The following GEMIN2 variants were observed in gnomAD, a reference collection of about 807,000 sequenced individuals.
The protein encoded by GEMIN2 is gem nuclear organelle associated protein 2.
In GEMIN2, 37 loss-of-function variants were observed where a neutral mutation model predicts 45.8. That is an observed-to-expected ratio of 0.81 (90% confidence interval 0.62 to 1.06). GEMIN2 has a LOEUF of 1.06. Among genes scored for constraint, GEMIN2 ranks in the 50% least tolerant of loss-of-function variants. The probability of loss-of-function intolerance (pLI) is 0.00; values close to 1 mark genes in which losing one functional copy is unlikely to be tolerated. For missense variants in GEMIN2, 335 were observed against 321.8 expected (o/e 1.04, Z -0.31); for synonymous variants, 101 against 111.5 (o/e 0.91, Z 0.60).
chr14:39,114,775 C>T, intron 1 of GEMIN2, 54 bp from the exon 2 acceptor site: 5 of 1,029,106 alleles, frequency 4.9e-6, no homozygotes, highest in Non-Finnish European at 7.7e-6. Context: ...TTTTACTACA[C>T]CTGAGCAAAG....
chr14:39,123,006 A>G (rs8014255), intron 5 of GEMIN2, among the ~76,000 whole-genome samples: 141,096 of 152,256 alleles, frequency 0.93, 65,471 homozygotes, highest in East Asian at 0.95. Flanking sequence ...ACACAATTAG[A>G]TGCTTTAAAA....
chr14:39,129,848 A>G (rs981570519), intron 7 of GEMIN2, among the ~76,000 whole-genome samples: 5 of 151,926 alleles, frequency 3.3e-5, no homozygotes, highest in Admixed American at 2.0e-4. Context: ...TTCATTGAGA[A>G]AGTCTTGGAG....
In GEMIN2 at chr14:39,128,272, T is replaced by A. The variant is rs755859889; in HGVS notation, c.532-8T>A. On this transcript the variant is annotated splice_region_variant and splice_polypyrimidine_tract_variant and intron_variant, in intron 6 of 9. Transcript: ENST00000308317. ...CAACTCTTCTCCACCCCCTCTTTTT[T>A]TTTTTAGGCAACAGTAACTAGTGTC... 6.6e-7 allele frequency: 1 copy of A among 1,506,884 alleles called. No homozygotes were observed. Among genetic ancestry groups the A allele is most frequent in the Non-Finnish European group, 9.1e-7 (1 of 1,098,288 alleles). The allele number at this position is 1,506,884 out of a possible 1,614,324, so 93.3% of individuals were successfully genotyped here.
intron 4 of GEMIN2, 114 bp downstream of exon 4, chr14:39,118,713 T>C (rs2052540986): frequency 1.8e-6 from 1 of 556,852 alleles, no homozygotes; most frequent in South Asian, 2.8e-5. Context: ...TTCATTCTCT[T>C]CAATATACCA....
chr14:39,133,006 ATATG>A (rs1278698426), intron 8 of GEMIN2, among the ~76,000 whole-genome samples: 1 of 116,590 alleles, frequency 8.6e-6, no homozygotes, highest in Non-Finnish European at 1.7e-5. Context: ...GTGTGTATAT[ATATG>A]TGTGTGTGTG....
chr14:39,132,975 GGTGTGTGTGTGT>G (rs67749459), intron 8 of GEMIN2, among the ~76,000 whole-genome samples: 2 of 140,260 alleles, frequency 1.4e-5, no homozygotes. Context: ...TACTGCACCT[GGTGTGTGTGTGT>G]GTGTGTGTGT....
chr14:39,131,254 G>A (rs1474516408), intron 7 of GEMIN2, among the ~76,000 whole-genome samples: 3 of 151,930 alleles, frequency 2.0e-5, no homozygotes, highest in African/African-American at 7.2e-5. Flanking sequence ...CCGAGATCGC[G>A]CCATTGCACT....
chr14:39,132,146 G>C, intron 8 of GEMIN2, 78 bp downstream of exon 8: 1 of 734,690 alleles, frequency 1.4e-6, no homozygotes. Flanking sequence ...CAGTGAAATA[G>C]GAAAACACAT....
At chr14:39,127,090 CTTTT>C (rs35988558) in intron 6 of GEMIN2, among the ~76,000 whole-genome samples, 5 of 124,572 alleles carry the variant, frequency 4.0e-5, no homozygotes, top group Admixed American at 1.7e-4. Context: ...ACAAATACAT[CTTTT>C]TTTTTTTTTT....
At chr14:39,128,485 C>T (rs371218591) in intron 7 of GEMIN2, 137 bp downstream of exon 7, 280 of 148,320 alleles carry the variant, frequency 1.9e-3, no homozygotes, top group South Asian at 4.6e-3. Context: ...TTTTTCTTTT[C>T]TTTTTTTTTT....
At chr14:39,136,311 A>G in intron 9 of GEMIN2, 129 bp from the exon 10 acceptor site, 2 of 622,024 alleles carry the variant, frequency 3.2e-6, no homozygotes, top group South Asian at 4.0e-5. Context: ...TCCACTATGT[A>G]GACATACTAT....
At chr14:39,130,049 TC>T (rs1488668989) in intron 7 of GEMIN2, among the ~76,000 whole-genome samples, 2 of 144,830 alleles carry the variant, frequency 1.4e-5, no homozygotes, top group Non-Finnish European at 3.0e-5. Context: ...CAAGCAATCC[TC>T]CTGCCTCAGC....
Position 39,133,737 on chromosome 14 carries a change from C to A in GEMIN2, c.770+18C>A. The A allele has an allele frequency of 7.2e-7, 1 of 1,386,088 alleles. No individual in the cohort carries two copies. Among genetic ancestry groups the A allele is most frequent in the Non-Finnish European group, 9.9e-7 (1 of 1,008,394 alleles). The allele number at this position is 1,386,088 out of a possible 1,614,324, so 85.9% of individuals were successfully genotyped here. On this transcript the variant is annotated intron_variant, in intron 9 of 9. Transcript: ENST00000308317. ...GTTAGCAGGTATAGTTAATCCTTGG[C>A]TTCTTTATTATTTATCAGTGAGGTC... is the stretch of plus-strand genomic sequence containing the variant.
At chr14:39,122,284 T>G in intron 4 of GEMIN2, 146 bp from the exon 5 acceptor site, 1 of 597,418 alleles carries the variant, frequency 1.7e-6, no homozygotes. Flanking sequence ...ACATACAAAT[T>G]TGGGGGCAGA....
At position 39,118,296 on chromosome 14, in the gene GEMIN2, T is replaced by C. The variant is rs560575732; in HGVS notation, c.312+208T>C. On this transcript the variant is annotated intron_variant, in intron 3 of 9. Coordinates refer to ENST00000308317, the MANE Select transcript of GEMIN2 (RefSeq NM_003616.3). ...TTATTTGTTTGTTTATTTATTTCAA[T>C]AGTTTTGGGGAACAGGTGGTTTTTG... Among the ~76,000 whole-genome samples the C allele has an allele frequency of 2.0e-5, 3 of 152,330 alleles. No individual in the cohort carries two copies. The East Asian group carries it at 5.8e-4, about 29-fold the overall frequency.
At chr14:39,118,838 A>C (rs574414620) in intron 4 of GEMIN2, among the ~76,000 whole-genome samples, 3 of 146,256 alleles carry the variant, frequency 2.1e-5, no homozygotes, top group Non-Finnish European at 4.5e-5. Flanking sequence ...GCTAGAGTGC[A>C]GTCATGGCTC....
At chr14:39,124,172 A>T (rs1269382579) in intron 5 of GEMIN2, among the ~76,000 whole-genome samples, 2 of 152,146 alleles carry the variant, frequency 1.3e-5, no homozygotes, top group Admixed American at 1.3e-4. Context: ...TATCCTCTTA[A>T]GTTTCTCACA....
At chr14:39,127,093 T>C (rs1262339106) in intron 6 of GEMIN2, among the ~76,000 whole-genome samples, 2 of 148,840 alleles carry the variant, frequency 1.3e-5, no homozygotes, top group Non-Finnish European at 1.5e-5. Context: ...AATACATCTT[T>C]TTTTTTTTTT....
chr14:39,121,591 C>G (rs2052573342), intron 4 of GEMIN2, among the ~76,000 whole-genome samples: 1 of 152,190 alleles, frequency 6.6e-6, no homozygotes, highest in Non-Finnish European at 1.5e-5. Context: ...CACTTAGGCA[C>G]TATGTTTGTC....
Sources: gnomAD v4.1 joint callset for allele counts (sites outside exome capture counted in the v4.1 genomes callset) on GRCh38, gnomAD v4.1.1 for gene constraint, MANE v1.5 for transcripts, NCBI Gene and HGNC (gene_info 2026-07-23, HGNC 2026-07-21) for gene names.